The following TENM1 variants were observed in gnomAD, a reference collection of about 807,000 sequenced individuals.
TENM1 encodes teneurin transmembrane protein 1.
Under a neutral mutation model 174.8 loss-of-function variants are expected in TENM1, and 35 were observed. The observed-to-expected ratio is 0.20, with a 90% CI of 0.15 to 0.27. TENM1 has a LOEUF of 0.27. TENM1 is among the 10% of genes least tolerant of loss of function. TENM1 has a pLI of 1.00. For synonymous variants in TENM1, 781 were observed against 798.7 expected, an observed-to-expected ratio of 0.98 and a Z score of 0.37; for missense variants, 1,633 against 2,130.1, an observed-to-expected ratio of 0.77 and a Z score of 4.59.
chrX:124,866,379 T>C (rs992092169), intron 3 of TENM1, among the ~76,000 whole-genome samples: 4 of 111,863 alleles, frequency 3.6e-5, no homozygotes, highest in African/African-American at 9.7e-5. Context: ...TAAAAATACA[T>C]AGAAATTAAA....
intron 11 of TENM1, among the ~76,000 whole-genome samples, chrX:124,625,698 T>C (rs190257117): frequency 9.1e-6 from 1 of 110,418 alleles, no homozygotes; most frequent in East Asian, 2.9e-4. Context: ...TCTCACATGG[T>C]GGAAGCAGGA....
At chrX:125,102,500 C>T in the TENM1 span, among the ~76,000 whole-genome samples, 2 of 111,756 alleles carry the variant, frequency 1.8e-5, no homozygotes, top group African/African-American at 3.3e-5. Flanking sequence ...AAGACAAGTG[C>T]TATTTTCTGC....
intron 3 of TENM1, among the ~76,000 whole-genome samples, chrX:124,750,317 C>T (rs973005517): frequency 8.1e-5 from 9 of 110,958 alleles, no homozygotes; most frequent in Non-Finnish European, 1.7e-4. Context: ...AAACGAGTGG[C>T]TAATCATTTC....
At chrX:124,503,514 C>A in intron 19 of TENM1, 46 bp downstream of exon 22, 1 of 1,130,687 alleles carries the variant, frequency 8.8e-7, no homozygotes, top group Non-Finnish European at 1.2e-6. Context: ...ATGTATTATA[C>A]AGCATTAGGA....
At chrX:124,615,738 T>A (rs774297862) in intron 11 of TENM1, among the ~76,000 whole-genome samples, 8 of 111,956 alleles carry the variant, frequency 7.1e-5, no homozygotes, top group Non-Finnish European at 1.5e-4. Flanking sequence ...TCACAGCTAC[T>A]TGATGACTTT....
intron 1 of TENM1, among the ~76,000 whole-genome samples, chrX:124,931,419 T>C (rs915678348): frequency 9.1e-6 from 1 of 110,004 alleles, no homozygotes; most frequent in African/African-American, 3.3e-5. Flanking sequence ...ACCTGGGGAG[T>C]GACAGCTGCC....
intron 3 of TENM1, among the ~76,000 whole-genome samples, chrX:124,864,332 A>G (rs1016928160): frequency 1.8e-5 from 2 of 112,055 alleles, no homozygotes; most frequent in Admixed American, 9.5e-5. Flanking sequence ...TGTTGAGGAA[A>G]CTCAAAGAAA....
intron 11 of TENM1, among the ~76,000 whole-genome samples, chrX:124,587,420 G>C (rs1409116993): frequency 7.4e-5 from 8 of 108,196 alleles, no homozygotes; most frequent in African/African-American, 2.4e-4. Flanking sequence ...ACAAACCTGA[G>C]AAAAACAAGC....
intron 1 of TENM1, among the ~76,000 whole-genome samples, chrX:124,945,942 T>C (rs1336144078): frequency 2.7e-5 from 3 of 111,857 alleles, no homozygotes; most frequent in East Asian, 2.8e-4. Flanking sequence ...TCTGAAGAGC[T>C]TGTAAAATGC....
intron 3 of TENM1, among the ~76,000 whole-genome samples, chrX:124,859,627 A>C (rs2056877011): frequency 9.0e-6 from 1 of 111,144 alleles, no homozygotes; most frequent in African/African-American, 3.3e-5. Flanking sequence ...ATGACAATAT[A>C]ATAACATTTT....
At chrX:124,530,992 G>C (rs951662513) in intron 15 of TENM1, among the ~76,000 whole-genome samples, 10 of 111,026 alleles carry the variant, frequency 9.0e-5, no homozygotes, top group Non-Finnish European at 1.7e-4. Context: ...GGGAGGAAGG[G>C]ACAGTTTTTT....
chrX:124,692,343 T>A (rs1228826414), intron 5 of TENM1, among the ~76,000 whole-genome samples: 5 of 111,149 alleles, frequency 4.5e-5, no homozygotes. Flanking sequence ...ACTATGCTTA[T>A]TACCTGGGTG....
At chrX:124,565,117 T>C (rs1416599894) in intron 12 of TENM1, among the ~76,000 whole-genome samples, 2 of 112,017 alleles carry the variant, frequency 1.8e-5, no homozygotes, top group African/African-American at 3.2e-5. Flanking sequence ...TTCACTTGAG[T>C]AACTCAAAGC....
chrX:124,512,612 C>T (rs1048005665), intron 18 of TENM1, among the ~76,000 whole-genome samples: 23 of 111,517 alleles, frequency 2.1e-4, no homozygotes, highest in Non-Finnish European at 2.8e-4. Context: ...GTTCATACAA[C>T]CCCTGTTTGT....
At chrX:124,789,607 G>A (rs977729208) in intron 3 of TENM1, among the ~76,000 whole-genome samples, 3 of 111,104 alleles carry the variant, frequency 2.7e-5, no homozygotes, top group Admixed American at 9.6e-5. Context: ...TCTAGGGCAG[G>A]GGCAAAATGC....
chrX:124,888,288 C>G (rs1372263518), intron 3 of TENM1, among the ~76,000 whole-genome samples: 4 of 111,433 alleles, frequency 3.6e-5, no homozygotes, highest in Non-Finnish European at 7.5e-5. Flanking sequence ...ATCAGATATT[C>G]CCTTACCTGT....
intron 18 of TENM1, among the ~76,000 whole-genome samples, chrX:124,509,696 A>G (rs1202189350): frequency 9.7e-6 from 1 of 103,103 alleles, no homozygotes; most frequent in Non-Finnish European, 2.0e-5. Context: ...ACCTTGAAGG[A>G]TTACCTACTT....
At chrX:124,404,361 T>C (rs1397471937) in intron 27 of TENM1, among the ~76,000 whole-genome samples, 1 of 111,148 alleles carries the variant, frequency 9.0e-6, no homozygotes, top group African/African-American at 3.3e-5. Flanking sequence ...CTATGGCGAT[T>C]GTAGGCTTTG....
intron 21 of TENM1, among the ~76,000 whole-genome samples, chrX:124,486,322 A>G (rs2046953480): frequency 8.9e-6 from 1 of 112,603 alleles, no homozygotes; most frequent in Non-Finnish European, 1.9e-5. Context: ...CATACTAGTT[A>G]AAAATCACAT....
Sources: gnomAD v4.1 joint callset for allele counts (sites outside exome capture counted in the v4.1 genomes callset) on GRCh38, gnomAD v4.1.1 for gene constraint, MANE v1.5 for transcripts, NCBI Gene and HGNC (gene_info 2026-07-23, HGNC 2026-07-21) for gene names.